Variants in SF3A2 observed in about 807,000 individuals in gnomAD.
SF3A2 encodes the protein SAP 62.
SF3A2 carries 5 observed loss-of-function variants against 31.1 expected under a neutral mutation model. That is an observed-to-expected ratio of 0.16 (90% CI 0.08 to 0.34). The LOEUF is 0.34. Ranked by LOEUF, SF3A2 falls within the 10% of genes least tolerant of loss-of-function variation. The pLI is 1.00. For missense variants in SF3A2, 577 were observed against 643.9 expected (o/e 0.90, Z 1.13); for synonymous variants, 365 against 263.7 (o/e 1.38, Z -3.72).
At position 2,245,953 on chromosome 19, in the gene SF3A2, C is replaced by T. The variant is rs982848132; in HGVS notation, c.355+398C>T. 14 of 228,930 alleles carry T rather than the reference C, an allele frequency of 6.1e-5. No homozygotes were observed. In the Admixed American group the frequency reaches 7.2e-4, roughly 12 times the overall value. 14.2% of individuals were successfully genotyped at this position (228,930 alleles called of 1,614,324 possible). A position where few individuals can be genotyped will look rare whatever the true frequency, so the allele number is the denominator to read the frequency against. Reference sequence around the variant, plus strand: ...GCTGTTAGAGGCAGCTCCTCCCGGACCCTCAGCAGTGGGAATGGCTAGAGG... The same window carrying T: ...GCTGTTAGAGGCAGCTCCTCCCGGATCCTCAGCAGTGGGAATGGCTAGAGG... On this transcript the variant is annotated intron_variant, in intron 5 of 8. Transcript: ENST00000221494. This position sits in a 1 kb window ranked among gnomAD's most constrained non-coding sequence, Gnocchi z 4.2.
Position 2,245,716 on chromosome 19 carries a change from T to A in SF3A2, c.355+161T>A. The A allele has an allele frequency of 1.6e-6, 1 of 631,822 alleles. No individual in the cohort carries two copies. The highest frequency in any genetic ancestry group is 2.8e-6 in the Non-Finnish European group (1 of 351,242). 39.1% of individuals were successfully genotyped at this position (631,822 alleles called of 1,614,324 possible). ...CACCCACCTGCAGCCTCTGGCGTTGTGTCTGGGAGCTGTCAGGCTGGGCCC... is the reference window on the plus strand; with the variant it reads ...CACCCACCTGCAGCCTCTGGCGTTGAGTCTGGGAGCTGTCAGGCTGGGCCC... On this transcript the variant is annotated intron_variant, in intron 5 of 8. Coordinates refer to ENST00000221494, the MANE Select transcript of SF3A2 (RefSeq NM_007165.5). The surrounding 1 kb of genome is among the most constrained non-coding windows in gnomAD (Gnocchi z 4.2).
At position 2,245,450 on chromosome 19, in the gene SF3A2, C is replaced by T. The variant is rs2024923666; in HGVS notation, c.250C>T (p.Arg84Trp). ...QGKKHQTNLARRAAKEAKEAP... is the reference protein window; with the variant it reads ...QGKKHQTNLAWRAAKEAKEAP... Reference sequence around the variant, plus strand: ...GCACCTCCATCCTGTCCGCAGGGCCCGGCGAGCAGCCAAGGAGGCCAAGGA... The same window carrying T: ...GCACCTCCATCCTGTCCGCAGGGCCTGGCGAGCAGCCAAGGAGGCCAAGGA... The change falls in exon 5 of 9, where the codon CGG becomes TGG. Residue 84 changes from arginine to tryptophan, a missense_variant. Transcript: ENST00000221494. The surrounding 1 kb of genome is among the most constrained non-coding windows in gnomAD (Gnocchi z 4.2). 1.3e-6 allele frequency: 2 copies of T among 1,549,886 alleles called. No homozygotes were observed. Among genetic ancestry groups the T allele is most frequent in the Non-Finnish European group, 8.7e-7 (1 of 1,146,600 alleles).
At chr19:2,247,554 C>T (rs1341051263) in intron 7 of SF3A2, 40 bp from the exon 8 acceptor site, 1 of 1,607,374 alleles carries the variant, frequency 6.2e-7, no homozygotes, top group African/African-American at 1.3e-5. Flanking sequence ...GCCCTGAGGT[C>T]ACAGGGACCA....
rs768524417 is a variant in SF3A2, at chr19:2,244,791, A to G, written c.245+12A>G. On this transcript the variant is annotated intron_variant, in intron 4 of 8. Coordinates refer to ENST00000221494, the MANE Select transcript of SF3A2 (RefSeq NM_007165.5). Reference sequence around the variant, plus strand: ...CACCAGACCAACCTGTGAGTACCTCATGTCCCTTTGATGCCTGGTGCTCCA... The same window carrying G: ...CACCAGACCAACCTGTGAGTACCTCGTGTCCCTTTGATGCCTGGTGCTCCA... 8.7e-6 allele frequency: 14 copies of G among 1,607,306 alleles called. No homozygotes were observed. The highest frequency in any genetic ancestry group is 9.4e-6 in the Non-Finnish European group (11 of 1,174,230).
intron 7 of SF3A2, 27 bp downstream of exon 7, chr19:2,247,049 C>G: frequency 8.4e-7 from 1 of 1,186,702 alleles, no homozygotes; most frequent in Non-Finnish European, 1.1e-6. Context: ...GTTCCCTGGG[C>G]CCCCTTGAGA....
rs573062066 is a variant in SF3A2 at position 2,245,868 on chromosome 19, G to A, written c.355+313G>A. The A allele has an allele frequency of 5.2e-5, 21 of 407,314 alleles. No individual in the cohort carries two copies. The South Asian group carries it at 5.8e-4, about 11-fold the overall frequency. The allele number at this position is 407,314 out of a possible 1,614,324, so 25.2% of individuals were successfully genotyped here. A position where few individuals can be genotyped will look rare whatever the true frequency, so the allele number is the denominator to read the frequency against. ...AAAAGAGTGGAAGTGGAGGTGTGGT[G>A]AGCCCTGGCACATCCCTCCGGTTAA... On this transcript the variant is annotated intron_variant, in intron 5 of 8. Coordinates refer to ENST00000221494, the MANE Select transcript of SF3A2 (RefSeq NM_007165.5). The surrounding 1 kb of genome is among the most constrained non-coding windows in gnomAD (Gnocchi z 4.2).
chr19:2,245,382 T>C lies in SF3A2; in HGVS notation c.246-64T>C, dbSNP rs1052392207. The stretch of plus-strand genomic sequence containing the variant: ...CCAAGGTCAGGGGGCTCCTGGCACC[T>C]GGGCCCATGGCTTTGGTGCCTGTGT... On this transcript the variant is annotated intron_variant, in intron 4 of 8. Transcript: ENST00000221494. The surrounding 1 kb of genome is among the most constrained non-coding windows in gnomAD (Gnocchi z 4.2). The C allele has an allele frequency of 2.1e-5, 26 of 1,257,428 alleles. No individual in the cohort carries two copies. The South Asian group carries it at 2.3e-4, about 11-fold the overall frequency. The allele number at this position is 1,257,428 out of a possible 1,614,324, so 77.9% of individuals were successfully genotyped here.
At chr19:2,239,806 T>A (rs2145006840) in intron 1 of SF3A2, among the ~76,000 whole-genome samples, 1 of 152,344 alleles carries the variant, frequency 6.6e-6, no homozygotes, top group East Asian at 1.9e-4. Flanking sequence ...TGGCTCAGCT[T>A]CCAACTCTGG....
At chr19:2,238,179 A>G (rs1292981988) in intron 1 of SF3A2, among the ~76,000 whole-genome samples, 2 of 152,120 alleles carry the variant, frequency 1.3e-5, no homozygotes, top group Admixed American at 6.5e-5. Context: ...GCTCACCACC[A>G]TGTCCGGCGA....
In SF3A2 at chr19:2,243,385, T is replaced by C. The variant is rs7256229; in HGVS notation, c.-34T>C. 5,626 of 1,496,638 alleles carry C rather than the reference T, an allele frequency of 3.8e-3. 212 individuals are homozygous for C. In the African/African-American group the frequency reaches 0.075, roughly 20 times the overall value. The allele number at this position is 1,496,638 out of a possible 1,614,324, so 92.7% of individuals were successfully genotyped here. A position where few individuals can be genotyped will look rare whatever the true frequency, so the allele number is the denominator to read the frequency against. ...ACTCTCCTCTTGGCCTCCACAGGTG[T>C]CTCCCAGTCTGCTAAAGCCCTAAGG... On this transcript the variant is annotated 5_prime_UTR_variant, in exon 2 of 9. Transcript: ENST00000221494.
chr19:2,245,552 A>C lies in SF3A2; in HGVS notation c.352A>C (p.Lys118Gln), dbSNP rs2024924432. 1.9e-6 allele frequency: 3 copies of C among 1,549,416 alleles called. No homozygotes were observed. The change falls in exon 5 of 9, where the codon AAA (lysine) becomes CAA (glutamine). Residue 118 changes from lysine (K) to glutamine (Q), a missense_variant. Coordinates refer to ENST00000221494, the MANE Select transcript of SF3A2 (RefSeq NM_007165.5). This position sits in a 1 kb window ranked among gnomAD's most constrained non-coding sequence, Gnocchi z 4.2. Reference protein sequence around the residue: ...KFVKIGRPGYKVTKQRDSEMG... With the variant: ...KFVKIGRPGYQVTKQRDSEMG... ...TGTGAAGATCGGCCGCCCGGGCTAC[A>C]AAGGTGAGTCTGCCCGCAGCGGGGC...
chr19:2,243,053 T>C lies in SF3A2; in HGVS notation c.-37-329T>C, dbSNP rs564754061. ...TGAGATCTTGGTCTTGTCTTCCCTT[T>C]ATGCCTTCTCTGGGCTCCCTATTAC... On this transcript the variant is annotated intron_variant, in intron 1 of 8. Transcript: ENST00000221494. 2.1e-3 allele frequency among the ~76,000 whole-genome samples: 324 copies of C among 152,244 alleles called. 1 individual carries two copies. The highest frequency in any genetic ancestry group is 3.7e-3 in the Non-Finnish European group (251 of 68,018).
chr19:2,248,528 C>A lies in SF3A2; in HGVS notation c.1377C>A (p.Pro459=). ...LPSEGPGNIP[P]PPPTN is the part of the protein sequence containing the mutation. Reference sequence around the variant, plus strand: ...CCGAAGGCCCAGGGAACATACCTCCCCCTCCCCCAACCAACTGAGAAGCTG... The same window carrying A: ...CCGAAGGCCCAGGGAACATACCTCCACCTCCCCCAACCAACTGAGAAGCTG... Residue 459 remains proline, a synonymous_variant, in exon 9 of 9, where the codon CCC becomes CCA. Coordinates refer to ENST00000221494, the MANE Select transcript of SF3A2 (RefSeq NM_007165.5). The A allele has an allele frequency of 8.8e-7, 1 of 1,139,932 alleles. No individual in the cohort carries two copies. Among genetic ancestry groups the A allele is most frequent in the East Asian group, 3.0e-5 (1 of 33,444 alleles). The allele number at this position is 1,139,932 out of a possible 1,614,324, so 70.6% of individuals were successfully genotyped here.
chr19:2,239,978 T>G (rs1330872340), intron 1 of SF3A2, among the ~76,000 whole-genome samples: 1 of 152,238 alleles, frequency 6.6e-6, no homozygotes, highest in Non-Finnish European at 1.5e-5. Context: ...CCCATCAGTC[T>G]CTTTGTTCTC....
chr19:2,244,999 A>G, intron 4 of SF3A2: 4 of 579,404 alleles, frequency 6.9e-6, no homozygotes, highest in Non-Finnish European at 1.2e-5. Flanking sequence ...AGCCTGGCCA[A>G]CATTGTGAAA....
rs766131337 is a variant in SF3A2, at chr19:2,243,369, T to G, written c.-37-13T>G. The G allele has an allele frequency of 4.7e-6, 7 of 1,478,936 alleles. No homozygotes were observed. The highest frequency in any genetic ancestry group is 6.3e-6 in the Non-Finnish European group (7 of 1,118,048). 91.6% of individuals were successfully genotyped at this position (1,478,936 alleles called of 1,614,324 possible). A position where few individuals can be genotyped will look rare whatever the true frequency, so the allele number is the denominator to read the frequency against. On this transcript the variant is annotated splice_polypyrimidine_tract_variant and intron_variant, in intron 1 of 8. Coordinates refer to ENST00000221494, the MANE Select transcript of SF3A2 (RefSeq NM_007165.5). ...CTGAGCCATCTTCCTCACTCTCCTCTTGGCCTCCACAGGTGTCTCCCAGTC... is the reference window on the plus strand; with the variant it reads ...CTGAGCCATCTTCCTCACTCTCCTCGTGGCCTCCACAGGTGTCTCCCAGTC...
At chr19:2,244,855 A>G in intron 4 of SF3A2, 76 bp downstream of exon 4, 1 of 1,395,830 alleles carries the variant, frequency 7.2e-7, no homozygotes, top group South Asian at 1.2e-5. Flanking sequence ...CTCGCGGGCC[A>G]CTGCTCCACA....
rs920790910 is a variant in SF3A2, at chr19:2,248,429, G to A, written c.1278G>A (p.Pro426=). ...PSAPGVHPQP[P]GVHPSNPGVH... ...CTCCTGGGGTCCACCCTCAGCCTCCGGGAGTTCACCCCTCAAATCCTGGGG... is the reference window on the plus strand; with the variant it reads ...CTCCTGGGGTCCACCCTCAGCCTCCAGGAGTTCACCCCTCAAATCCTGGGG... Residue 426 remains proline (P), a synonymous_variant, in exon 9 of 9, where the codon CCG becomes CCA. Coordinates refer to ENST00000221494, the MANE Select transcript of SF3A2 (RefSeq NM_007165.5). The A allele has an allele frequency of 9.5e-6, 13 of 1,365,118 alleles. No individual in the cohort carries two copies. Among genetic ancestry groups the A allele is most frequent in the South Asian group, 7.7e-5 (4 of 52,184 alleles). The allele number at this position is 1,365,118 out of a possible 1,614,324, so 84.6% of individuals were successfully genotyped here.
chr19:2,239,782 A>G (rs1405338629), intron 1 of SF3A2, among the ~76,000 whole-genome samples: 2 of 151,656 alleles, frequency 1.3e-5, no homozygotes, highest in Non-Finnish European at 1.5e-5. Context: ...ACTTTCCTTT[A>G]TGAAAGATTT....
Sources: allele counts gnomAD v4.1 joint callset (sites outside exome capture counted in the v4.1 genomes callset), GRCh38; gene constraint gnomAD v4.1.1; non-coding constraint Gnocchi (gnomAD v3.1); transcripts MANE v1.5; gene names NCBI Gene and HGNC (gene_info 2026-07-23, HGNC 2026-07-21).